RABEP1: variants seen among roughly 807,000 people sequenced by gnomAD.
The protein encoded by RABEP1 is rabaptin, RAB GTPase binding effector protein 1, also known as rab GTPase-binding effector protein 1.
Under a neutral mutation model 123.4 loss-of-function variants are expected in RABEP1, and 51 were observed. The observed-to-expected ratio is 0.41, with a 90% CI of 0.33 to 0.52. The LOEUF is 0.52. Ranked by LOEUF, RABEP1 falls within the 20% of genes least tolerant of loss-of-function variation. RABEP1 has a pLI of 0.16. For synonymous variants in RABEP1, 347 were observed against 355.2 expected (o/e 0.98, Z 0.26); for missense variants, 888 against 996.3 (o/e 0.89, Z 1.46).
At chr17:5,324,854 C>A (rs1044296739) in intron 2 of RABEP1, among the ~76,000 whole-genome samples, 19 of 152,210 alleles carry the variant, frequency 1.2e-4, no homozygotes, top group African/African-American at 4.6e-4. Flanking sequence ...GATATCCTGT[C>A]ACCACAGTCA....
intron 1 of RABEP1, among the ~76,000 whole-genome samples, chr17:5,301,804 G>T (rs1313093057): frequency 6.6e-6 from 1 of 151,896 alleles, no homozygotes; most frequent in African/African-American, 2.4e-5. Context: ...CTGCGCCATG[G>T]TTAAAACTGC....
intron 7 of RABEP1, among the ~76,000 whole-genome samples, chr17:5,352,281 C>T (rs967095868): frequency 6.6e-6 from 1 of 151,920 alleles, no homozygotes; most frequent in Admixed American, 6.6e-5. Context: ...CAACCTCCGC[C>T]TCCCAGGCTC....
chr17:5,322,378 C>G (rs9897955), intron 2 of RABEP1, among the ~76,000 whole-genome samples: 2 of 151,634 alleles, frequency 1.3e-5, no homozygotes, highest in African/African-American at 4.8e-5. Flanking sequence ...AAGAAAAGAC[C>G]GTAAAAAGAG....
intron 2 of RABEP1, among the ~76,000 whole-genome samples, chr17:5,319,095 G>T (rs1430721019): frequency 6.6e-6 from 1 of 152,030 alleles, no homozygotes; most frequent in African/African-American, 2.4e-5. Flanking sequence ...ACTTTGGGAG[G>T]CCGAGGTGGG....
In RABEP1 at chr17:5,373,436, C is replaced by T; in HGVS notation, c.2007C>T (p.Ile669=). The T allele has an allele frequency of 6.2e-7, 1 of 1,611,136 alleles. No homozygotes were observed. The highest frequency in any genetic ancestry group is 1.7e-5 in the Admixed American group (1 of 59,410). ...CATTACAGCAAGCAGAAGACTTCAT[C>T]CTCCCAGACACTACAGAGGTAACTT... is the stretch of plus-strand genomic sequence containing the variant. ...HVSLQQAEDF[I]LPDTTEALRE... The change falls in exon 13 of 18, where the codon ATC becomes ATT. Residue 669 remains isoleucine, a synonymous_variant. Coordinates refer to ENST00000537505, the MANE Select transcript of RABEP1 (RefSeq NM_004703.6).
chr17:5,309,610 G>A lies in RABEP1; in HGVS notation c.163+788G>A, dbSNP rs560802663. Among the ~76,000 whole-genome samples the A allele has an allele frequency of 4.0e-5, 6 of 149,170 alleles. No individual in the cohort carries two copies. The East Asian group carries it at 7.8e-4, about 19-fold the overall frequency. On this transcript the variant is annotated intron_variant, in intron 2 of 17. Transcript: ENST00000537505. Reference sequence around the variant, plus strand: ...AGACGTTGAGGTGAGCTGAGATTGCGCCATTGCACTCCAGCGTGGGCGACA... The same window carrying A: ...AGACGTTGAGGTGAGCTGAGATTGCACCATTGCACTCCAGCGTGGGCGACA...
intron 1 of RABEP1, among the ~76,000 whole-genome samples, chr17:5,295,717 G>A (rs562687349): frequency 5.3e-5 from 8 of 152,226 alleles, no homozygotes; most frequent in Admixed American, 3.9e-4. Flanking sequence ...CAAAAGTGAA[G>A]GGTTCAGTTT....
At chr17:5,373,646 T>A (rs1910713496) in intron 13 of RABEP1, among the ~76,000 whole-genome samples, 192 bp downstream of exon 13, 1 of 150,498 alleles carries the variant, frequency 6.6e-6, no homozygotes, top group African/African-American at 2.4e-5. Flanking sequence ...TTAGAACATT[T>A]TCATCACCTC....
At chr17:5,331,630 T>C (rs1482357311) in intron 2 of RABEP1, among the ~76,000 whole-genome samples, 2 of 152,200 alleles carry the variant, frequency 1.3e-5, no homozygotes, top group Non-Finnish European at 2.9e-5. Context: ...TACAACAACC[T>C]TGTGAGGTGG....
chr17:5,366,985 A>G (rs1403364736), intron 11 of RABEP1, among the ~76,000 whole-genome samples: 3 of 151,074 alleles, frequency 2.0e-5, no homozygotes, highest in Non-Finnish European at 4.4e-5. Context: ...GCCACTTGGG[A>G]GGCTGAGGCA....
At chr17:5,356,211 C>T (rs1909001253) in intron 8 of RABEP1, among the ~76,000 whole-genome samples, 1 of 152,120 alleles carries the variant, frequency 6.6e-6, no homozygotes, top group South Asian at 2.1e-4. Context: ...CACAAATTAG[C>T]TGGGCGAGGT....
chr17:5,337,148 A>G (rs1907169808), intron 4 of RABEP1, among the ~76,000 whole-genome samples: 2 of 152,164 alleles, frequency 1.3e-5, no homozygotes, highest in Admixed American at 6.6e-5. Context: ...TTGAGAATGG[A>G]CTTGGGAAAG....
chr17:5,350,651 T>C, intron 7 of RABEP1, 22 bp downstream of exon 7: 3 of 1,611,774 alleles, frequency 1.9e-6, no homozygotes, highest in Non-Finnish European at 2.5e-6. Context: ...TTTTTAGGAC[T>C]GATTTGCTTT....
chr17:5,368,085 T>C (rs1342769271), intron 11 of RABEP1, among the ~76,000 whole-genome samples: 1 of 152,106 alleles, frequency 6.6e-6, no homozygotes, highest in Admixed American at 6.6e-5. Context: ...TCTTTAAACA[T>C]AGCTACAACT....
Position 5,300,083 on chromosome 17 carries a change from G to T in RABEP1, c.35-8611G>T, listed in dbSNP as rs1025939082. ...TGATTGGACTCCAGGCAAAACTGAG[G>T]GTTATATTAGGAGATATGACTGGGT... On this transcript the variant is annotated intron_variant, in intron 1 of 17. Transcript: ENST00000537505. 4.8e-4 allele frequency among the ~76,000 whole-genome samples: 73 copies of T among 152,008 alleles called. 1 individual carries two copies. The highest frequency in any genetic ancestry group is 1.5e-4 in the Non-Finnish European group (10 of 68,006).
chr17:5,309,672 A>G (rs771732821), intron 2 of RABEP1, among the ~76,000 whole-genome samples: 3 of 151,528 alleles, frequency 2.0e-5, no homozygotes, highest in Non-Finnish European at 4.4e-5. Context: ...AAAAAAAAAG[A>G]AAAAGAAACT....
At chr17:5,343,018 G>T (rs558875211) in intron 5 of RABEP1, among the ~76,000 whole-genome samples, 399 of 152,236 alleles carry the variant, frequency 2.6e-3, no homozygotes, top group Non-Finnish European at 2.6e-3. Context: ...TCAGCACTTT[G>T]GGAGGCCAAG....
chr17:5,361,172 T>C, intron 8 of RABEP1, 36 bp from the exon 9 acceptor site: 1 of 1,552,998 alleles, frequency 6.4e-7, no homozygotes, highest in Non-Finnish European at 8.8e-7. Flanking sequence ...ACGCAGAGAA[T>C]TGTCTAACTT....
intron 2 of RABEP1, among the ~76,000 whole-genome samples, chr17:5,324,979 C>G (rs1349383428): frequency 6.6e-6 from 1 of 152,086 alleles, no homozygotes; most frequent in Non-Finnish European, 1.5e-5. Context: ...ATAAGAGTTG[C>G]CATATGATCC....
Sources: gnomAD v4.1 joint callset for allele counts (sites outside exome capture counted in the v4.1 genomes callset) on GRCh38, gnomAD v4.1.1 for gene constraint, MANE v1.5 for transcripts, NCBI Gene and HGNC (gene_info 2026-07-23, HGNC 2026-07-21) for gene names.